Variants in MTRR observed in about 807,000 individuals in gnomAD.
MTRR encodes 5-methyltetrahydrofolate-homocysteine methyltransferase reductase.
Under a neutral mutation model 79.2 loss-of-function variants are expected in MTRR, and 63 were observed. The ratio of observed to expected loss-of-function variants is 0.80; its 90% confidence interval spans 0.65 to 0.98. The LOEUF (loss-of-function observed/expected upper bound fraction) is 0.98, where lower values mean the gene tolerates loss of function less well. Among genes scored for constraint, MTRR ranks in the 50% least tolerant of loss-of-function variants. The probability of loss-of-function intolerance (pLI) is 0.00; values close to 1 mark genes in which losing one functional copy is unlikely to be tolerated. For missense variants in MTRR, 895 were observed against 839.6 expected (o/e 1.07, Z -0.82); for synonymous variants, 355 against 313.3 (o/e 1.13, Z -1.41).
At chr5:7,874,404 A>C (rs951824843) in intron 3 of MTRR, among the ~76,000 whole-genome samples, 5 of 151,920 alleles carry the variant, frequency 3.3e-5, no homozygotes, top group Admixed American at 3.3e-4. Flanking sequence ...TTTTTACCTT[A>C]AGTTTTTATA....
At chr5:7,887,792 GCATATATA>G (rs1392197189) in intron 8 of MTRR, among the ~76,000 whole-genome samples, 11 of 25,992 alleles carry the variant, frequency 4.2e-4, no homozygotes, top group Admixed American at 3.8e-3. Context: ...GTGTGTGTGT[GCATATATA>G]TATATATATA....
chr5:7,867,379 T>C, upstream of MTRR: 1 of 1,614,236 alleles, frequency 6.2e-7, no homozygotes, highest in Non-Finnish European at 8.5e-7. Context: ...TGAGTTCTAG[T>C]GTCACACAAC....
chr5:7,860,437 G>A (rs566511998), intron 1 of MTRR, among the ~76,000 whole-genome samples: 2 of 152,252 alleles, frequency 1.3e-5, no homozygotes, highest in South Asian at 4.1e-4. Context: ...TTAAATCAAG[G>A]AGAAATTAAA....
At chr5:7,861,567 C>T (rs539800150) in intron 1 of MTRR, 18 of 1,540,598 alleles carry the variant, frequency 1.2e-5, no homozygotes, top group African/African-American at 1.4e-5. Flanking sequence ...GTGAAAAACA[C>T]AACATTTTCC....
At chr5:7,877,244 T>A (rs1734711316) in intron 4 of MTRR, among the ~76,000 whole-genome samples, 1 of 152,228 alleles carries the variant, frequency 6.6e-6, no homozygotes, top group African/African-American at 2.4e-5. Context: ...AGGGAATGGC[T>A]GTTGTTATGA....
At chr5:7,873,107 C>T (rs933923041) in intron 2 of MTRR, among the ~76,000 whole-genome samples, 5 of 152,130 alleles carry the variant, frequency 3.3e-5, no homozygotes, top group African/African-American at 1.2e-4. Context: ...CTTTCGTACA[C>T]AACATGAAGA....
rs756928383 is a variant in MTRR at position 7,878,184 on chromosome 5, C to G, written c.642C>G (p.Ser214Arg). 6.2e-7 allele frequency: 1 copy of G among 1,614,156 alleles called. No homozygotes were observed. The highest frequency in any genetic ancestry group is 2.2e-5 in the East Asian group (1 of 44,878). ...SEVLKQNAVN[S>R]NQSNVVIEDF... is the part of the protein sequence containing the mutation. ...TTTTGAAGCAAAATGCAGTGAACAG[C>G]AACCAATCCAATGTTGTAATTGAAG... The change falls in exon 5 of 15, where the codon AGC (serine) becomes AGG (arginine). Residue 214 changes from serine to arginine, a missense_variant. Coordinates refer to ENST00000440940, the MANE Select transcript of MTRR (RefSeq NM_002454.3).
intron 1 of MTRR, chr5:7,869,680 G>C (rs1349811864): frequency 4.8e-6 from 1 of 207,640 alleles, no homozygotes; most frequent in Admixed American, 6.0e-5. Flanking sequence ...CGCTTCCGGG[G>C]CTGCTGGGGC....
intron 2 of MTRR, 65 bp downstream of exon 2, chr5:7,870,988 T>C: frequency 6.3e-7 from 1 of 1,592,558 alleles, no homozygotes; most frequent in Non-Finnish European, 8.6e-7. Context: ...GGAAGTGATA[T>C]TTATGAAACA....
At chr5:7,853,987 G>C (rs1338739802) in intron 1 of MTRR, among the ~76,000 whole-genome samples, 2 of 152,216 alleles carry the variant, frequency 1.3e-5, no homozygotes, top group East Asian at 3.9e-4. Flanking sequence ...GGTTACCAGA[G>C]ACAGATGAAA....
At chr5:7,893,279 A>C (rs1233068718) in intron 11 of MTRR, 2 of 256,014 alleles carry the variant, frequency 7.8e-6, no homozygotes, top group African/African-American at 4.5e-5. Flanking sequence ...TATGTTTAAG[A>C]TGTATACTGC....
At chr5:7,861,625 C>A in intron 1 of MTRR, 1 of 1,607,176 alleles carries the variant, frequency 6.2e-7, no homozygotes, top group South Asian at 1.1e-5. Flanking sequence ...CAATACAAAT[C>A]CTTCTTCATC....
At chr5:7,876,943 T>C (rs1734664311) in intron 4 of MTRR, among the ~76,000 whole-genome samples, 1 of 152,206 alleles carries the variant, frequency 6.6e-6, no homozygotes. Context: ...CATGTAGCTG[T>C]TATTGTTGAA....
At chr5:7,876,230 GT>G (rs1161193331) in intron 4 of MTRR, among the ~76,000 whole-genome samples, 2 of 152,152 alleles carry the variant, frequency 1.3e-5, no homozygotes, top group Non-Finnish European at 2.9e-5. Flanking sequence ...GATGCCATGG[GT>G]TTTTTCCATA....
chr5:7,899,822 G>A, intron 14 of MTRR, 92 bp from the exon 15 acceptor site: 1 of 1,462,476 alleles, frequency 6.8e-7, no homozygotes, highest in Non-Finnish European at 9.6e-7. Context: ...GAACTATGGT[G>A]GTACAGTCAA....
Position 7,878,075 on chromosome 5 carries a change from A to G in MTRR, c.533A>G (p.Asp178Gly). 6.2e-7 allele frequency: 1 copy of G among 1,613,986 alleles called. No individual in the cohort carries two copies. Among genetic ancestry groups the G allele is most frequent in the Non-Finnish European group, 8.5e-7 (1 of 1,180,004 alleles). Reference protein sequence around the residue: ...PVASPASSRTDLVKSELLHIE... With the variant: ...PVASPASSRTGLVKSELLHIE... ...GCATCACCTGCATCCTCGAGGACAG[A>G]CCTTGTGAAGTCAGAGCTGCTACAC... The change falls in exon 5 of 15, where the codon GAC becomes GGC. Residue 178 changes from aspartate (D) to glycine (G), a missense_variant. Asp to Gly is a moderately conservative substitution (Grantham distance 94). Transcript: ENST00000440940.
chr5:7,890,966 T>C (rs1409414335), intron 9 of MTRR, among the ~76,000 whole-genome samples: 1 of 152,140 alleles, frequency 6.6e-6, no homozygotes, highest in Non-Finnish European at 1.5e-5. Flanking sequence ...GGATCATGAC[T>C]TTATTTTAAA....
chr5:7,867,152 G>T, upstream of MTRR: 2 of 1,614,132 alleles, frequency 1.2e-6, no homozygotes, highest in South Asian at 2.2e-5. Flanking sequence ...CAGAGGAAAT[G>T]CTTGACTTTG....
At chr5:7,861,642 A>C in intron 1 of MTRR, 1 of 1,608,852 alleles carries the variant, frequency 6.2e-7, no homozygotes, top group Non-Finnish European at 8.5e-7. Flanking sequence ...CATCTAATTT[A>C]ATTTCAACAT....
Sources: gnomAD v4.1 joint callset for allele counts (sites outside exome capture counted in the v4.1 genomes callset) on GRCh38, gnomAD v4.1.1 for gene constraint, MANE v1.5 for transcripts, NCBI Gene and HGNC (gene_info 2026-07-23, HGNC 2026-07-21) for gene names.